Variants in CDH5 observed in about 807,000 individuals in gnomAD.
CDH5 encodes the protein cadherin 5.
Under a neutral mutation model 62.0 loss-of-function variants are expected in CDH5, and 28 were observed. That is an observed-to-expected ratio of 0.45 (90% CI 0.33 to 0.62). The LOEUF is 0.62. Ranked by LOEUF, CDH5 falls within the 20% of genes least tolerant of loss-of-function variation. The pLI is 0.02. For synonymous variants in CDH5, 464 were observed against 445.8 expected (o/e 1.04, Z -0.52); for missense variants, 940 against 1,065.1 (o/e 0.88, Z 1.63).
Position 66,398,080 on chromosome 16 carries a change from G to A in CDH5, c.1459G>A (p.Val487Met), listed in dbSNP as rs1961217646. The change falls in exon 9 of 12, where the codon GTG becomes ATG. Residue 487 changes from valine to methionine, a missense_variant. Physicochemically the swap from Val to Met is conservative, Grantham distance 21. Transcript: ENST00000341529. ...GTTTGCCAAGCCCTACCAGCCCAAAGTGTGTGAGAACGCTGTCCATGGCCA... is the reference window on the plus strand; with the variant it reads ...GTTTGCCAAGCCCTACCAGCCCAAAATGTGTGAGAACGCTGTCCATGGCCA... ...PEFAKPYQPK[V>M]CENAVHGQLV... 6.2e-7 allele frequency: 1 copy of A among 1,614,256 alleles called. No homozygotes were observed. Among genetic ancestry groups the A allele is most frequent in the South Asian group, 1.1e-5 (1 of 91,084 alleles).
chr16:66,367,471 G>A (rs1297180317), intron 1 of CDH5, among the ~76,000 whole-genome samples: 1 of 152,174 alleles, frequency 6.6e-6, no homozygotes, highest in Non-Finnish European at 1.5e-5. Context: ...GAGCATAAGA[G>A]CCCCAAGGCC....
chr16:66,391,883 G>A (rs960975044), intron 6 of CDH5, among the ~76,000 whole-genome samples: 4 of 152,228 alleles, frequency 2.6e-5, no homozygotes, highest in African/African-American at 9.6e-5. Flanking sequence ...GCTGGAAATA[G>A]GGCCAGGCAC....
chr16:66,382,088 G>C (rs942458665), intron 2 of CDH5, among the ~76,000 whole-genome samples: 26 of 152,238 alleles, frequency 1.7e-4, no homozygotes, highest in African/African-American at 6.0e-4. Context: ...TTGGTCCGTG[G>C]ACTGGCTATA....
chr16:66,375,750 G>A (rs184267195), intron 1 of CDH5, among the ~76,000 whole-genome samples: 18 of 151,000 alleles, frequency 1.2e-4, no homozygotes, highest in Admixed American at 7.3e-4. Flanking sequence ...TTTTTCTTTC[G>A]TCAATAAGAA....
At position 66,396,137 on chromosome 16, in the gene CDH5, A is replaced by G. The variant is rs764608825; in HGVS notation, c.1296A>G (p.Glu432=). The change falls in exon 8 of 12, where the codon GAA becomes GAG. Residue 432 remains glutamate, a synonymous_variant. Coordinates refer to ENST00000341529, the MANE Select transcript of CDH5 (RefSeq NM_001795.5). ...TKKGDIYNEK[E]LDREVYPWYN... is the part of the protein sequence containing the mutation. ...AGGGGGACATTTACAATGAGAAAGA[A>G]CTGGACAGAGAAGTCTACCCCTGGT... The G allele has an allele frequency of 1.9e-6, 3 of 1,614,200 alleles. No homozygotes were observed. In the South Asian group the frequency reaches 3.3e-5, roughly 18 times the overall value.
chr16:66,389,759 C>T (rs1961050815), intron 5 of CDH5, among the ~76,000 whole-genome samples: 3 of 152,178 alleles, frequency 2.0e-5, no homozygotes, highest in South Asian at 4.1e-4. Context: ...AGAGGGAAAT[C>T]CCACTCCCTG....
intron 2 of CDH5, among the ~76,000 whole-genome samples, chr16:66,383,083 C>G (rs983306282): frequency 3.9e-5 from 6 of 152,112 alleles, no homozygotes; most frequent in Non-Finnish European, 8.8e-5. Flanking sequence ...GACTCATACT[C>G]CTCAAACCTG....
chr16:66,368,001 A>G (rs1165171203), intron 1 of CDH5, among the ~76,000 whole-genome samples: 1 of 152,166 alleles, frequency 6.6e-6, no homozygotes, highest in Non-Finnish European at 1.5e-5. Flanking sequence ...CCCATCACGG[A>G]GGGGTCCTCA....
chr16:66,385,082 G>C (rs1978815), intron 2 of CDH5, among the ~76,000 whole-genome samples: 22,303 of 152,146 alleles, frequency 0.15, 2,117 homozygotes, highest in South Asian at 0.27. Flanking sequence ...CCTAGTGGGG[G>C]CCTGGCACCT....
intron 2 of CDH5, among the ~76,000 whole-genome samples, chr16:66,380,367 A>G (rs897217365): frequency 2.0e-5 from 3 of 146,826 alleles, no homozygotes; most frequent in African/African-American, 7.8e-5. Flanking sequence ...GGTGATGATA[A>G]AGGGGTAGGC....
rs550164570 is a variant in CDH5, at chr16:66,403,136, C to T, written c.2322C>T (p.Tyr774=). 1.1e-5 allele frequency: 18 copies of T among 1,612,938 alleles called. No individual in the cohort carries two copies. Among genetic ancestry groups the T allele is most frequent in the Admixed American group, 1.0e-4 (6 of 59,946 alleles). The change falls in exon 12 of 12, where the codon TAC becomes TAT. Residue 774 remains tyrosine, a synonymous_variant. Transcript: ENST00000341529. The surrounding 1 kb of genome is among the most constrained non-coding windows in gnomAD (Gnocchi z 4.3). ...GGTTTAAGATGCTGGCTGAGCTGTA[C>T]GGCTCGGACCCCCGGGAGGAGCTGC... ...GPRFKMLAEL[Y]GSDPREELLY
At chr16:66,393,511 T>C (rs1961124698) in intron 7 of CDH5, among the ~76,000 whole-genome samples, 1 of 152,194 alleles carries the variant, frequency 6.6e-6, no homozygotes, top group Admixed American at 6.5e-5. Context: ...CCTGGTCTCA[T>C]GATAACTCAC....
At chr16:66,401,489 C>G (rs1256717180) in intron 11 of CDH5, among the ~76,000 whole-genome samples, 1 of 152,206 alleles carries the variant, frequency 6.6e-6, no homozygotes, top group African/African-American at 2.4e-5. Flanking sequence ...ATTCCTCCGG[C>G]CTTGATACAT....
At chr16:66,369,553 G>A (rs571932230) in intron 1 of CDH5, among the ~76,000 whole-genome samples, 3 of 152,286 alleles carry the variant, frequency 2.0e-5, no homozygotes, top group South Asian at 2.1e-4. Flanking sequence ...ATAGGCAGGT[G>A]CAAGGGCCTC....
rs1354504373 is a variant in CDH5, at chr16:66,396,112, A to G, written c.1271A>G (p.Lys424Arg). ...GGCCAGTTCTTCCGAGTCACAAAAA[A>G]GGGGGACATTTACAATGAGAAAGAA... ...DKGQFFRVTK[K>R]GDIYNEKELD... Residue 424 changes from lysine to arginine, a missense_variant, in exon 8 of 12, where the codon AAG (lysine) becomes AGG (arginine). By Grantham distance (26) the Lys-to-Arg change is conservative. Coordinates refer to ENST00000341529, the MANE Select transcript of CDH5 (RefSeq NM_001795.5). 1 of 1,614,148 alleles carries G rather than the reference A, an allele frequency of 6.2e-7. No individual in the cohort carries two copies. Among genetic ancestry groups the G allele is most frequent in the Non-Finnish European group, 8.5e-7 (1 of 1,179,992 alleles).
Position 66,402,979 on chromosome 16 carries a change from G to C in CDH5, c.2165G>C (p.Gly722Ala). The change falls in exon 12 of 12, where the codon GGC (glycine) becomes GCC (alanine). Residue 722 changes from glycine (G) to alanine (A), a missense_variant. Transcript: ENST00000341529. ...GACGAGGCGGACCACGACGGCGACG[G>C]CCCCCCCTACGACACGCTGCACATC... ...KKDEADHDGD[G>A]PPYDTLHIYG... 1 of 1,612,934 alleles carries C rather than the reference G, an allele frequency of 6.2e-7. No homozygotes were observed. The highest frequency in any genetic ancestry group is 8.5e-7 in the Non-Finnish European group (1 of 1,179,872).
chr16:66,401,774 G>T (rs571720004), intron 11 of CDH5, among the ~76,000 whole-genome samples: 10 of 152,278 alleles, frequency 6.6e-5, no homozygotes, highest in Admixed American at 2.0e-4. Context: ...TCATCCCACC[G>T]GGGGAGCACA....
Position 66,386,943 on chromosome 16 carries a change from G to A in CDH5, c.345G>A (p.Glu115=), listed in dbSNP as rs1211000132. Residue 115 remains glutamate, a synonymous_variant, in exon 3 of 12, where the codon GAG becomes GAA. Coordinates refer to ENST00000341529, the MANE Select transcript of CDH5 (RefSeq NM_001795.5). ...IERLDRENIS[E]YHLTAVIVDK... is the part of the protein sequence containing the mutation. ...GGCTGGACCGGGAGAATATCTCAGA[G>A]TACCACCTCACTGCTGTCATTGTGG... 6.2e-7 allele frequency: 1 copy of A among 1,614,216 alleles called. No homozygotes were observed. The highest frequency in any genetic ancestry group is 1.7e-5 in the Admixed American group (1 of 60,034).
intron 6 of CDH5, among the ~76,000 whole-genome samples, chr16:66,391,350 C>A (rs887475875): frequency 6.6e-6 from 1 of 152,028 alleles, no homozygotes; most frequent in Non-Finnish European, 1.5e-5. Context: ...GAACAGGGAG[C>A]AATTACCTCT....
Sources: gnomAD v4.1 joint callset for allele counts (sites outside exome capture counted in the v4.1 genomes callset) on GRCh38, gnomAD v4.1.1 for gene constraint, Gnocchi (gnomAD v3.1) non-coding constraint, MANE v1.5 for transcripts, NCBI Gene and HGNC (gene_info 2026-07-23, HGNC 2026-07-21) for gene names.